The following SCFD1 variants were observed in gnomAD, a reference collection of about 807,000 sequenced individuals.
The protein encoded by SCFD1 is sec1 family domain containing 1.
A neutral mutation model predicts 103.2 loss-of-function variants in SCFD1; 37 were observed. The observed-to-expected ratio is 0.36, with a 90% CI of 0.28 to 0.47. The LOEUF is 0.47. Ranked by LOEUF, SCFD1 falls within the 20% of genes least tolerant of loss-of-function variation. SCFD1 has a pLI of 1.00. For synonymous variants in SCFD1, 264 were observed against 245.0 expected (o/e 1.08, Z -0.73); for missense variants, 639 against 761.2 (o/e 0.84, Z 1.89).
In SCFD1 at chr14:30,696,643, A is replaced by G. The variant is rs569020353; in HGVS notation, c.1339+1774A>G. 1.4e-3 allele frequency among the ~76,000 whole-genome samples: 210 copies of G among 152,344 alleles called. 1 individual carries two copies. Among genetic ancestry groups the G allele is most frequent in the Non-Finnish European group, 2.5e-3 (172 of 68,016 alleles). On this transcript the variant is annotated intron_variant, in intron 15 of 24. Coordinates refer to ENST00000458591, the MANE Select transcript of SCFD1 (RefSeq NM_016106.4). ...ATGTCAAAGTTCAGGAAAGGAAAGC[A>G]GAGTGTCCACATGTGGGAGTAGTCT...
chr14:30,645,626 T>A (rs991092904), intron 7 of SCFD1, among the ~76,000 whole-genome samples: 2 of 152,226 alleles, frequency 1.3e-5, no homozygotes, highest in African/African-American at 4.8e-5. Context: ...GGCTCTCAGC[T>A]TGGATATTAT....
intron 7 of SCFD1, among the ~76,000 whole-genome samples, chr14:30,643,715 C>G (rs979632226): frequency 6.6e-6 from 1 of 152,050 alleles, no homozygotes; most frequent in African/African-American, 2.4e-5. Context: ...TTTAATATTT[C>G]ATTATGAAAA....
chr14:30,683,154 A>G (rs1889627880), intron 14 of SCFD1: 4 of 1,117,474 alleles, frequency 3.6e-6, no homozygotes, highest in Non-Finnish European at 5.4e-6. Context: ...GGGGCTATCA[A>G]TGTTGGGTTC....
rs1892730887 is a variant in SCFD1, at chr14:30,722,648, A to G, written c.1836+89A>G. 1.3e-5 allele frequency: 9 copies of G among 676,730 alleles called. 1 individual carries two copies. The highest frequency in any genetic ancestry group is 4.3e-4 in the Middle Eastern group (1 of 2,336). The allele number at this position is 676,730 out of a possible 1,614,324, so 41.9% of individuals were successfully genotyped here. A position where few individuals can be genotyped will look rare whatever the true frequency, so the allele number is the denominator to read the frequency against. ...CTCTGATGGCTATCCTGATCCTTCT[A>G]TAACTTCTTTTCTAAAAGGTAGTTT... On this transcript the variant is annotated intron_variant, in intron 23 of 24. Transcript: ENST00000458591.
At position 30,694,880 on chromosome 14, in the gene SCFD1, A is replaced by G; in HGVS notation, c.1339+11A>G. On this transcript the variant is annotated intron_variant, in intron 15 of 24. Coordinates refer to ENST00000458591, the MANE Select transcript of SCFD1 (RefSeq NM_016106.4). ...TATCAGACCCTGATGGTATGTACCA[A>G]AAATTTGAGGTTAATGTAAGTTTCA... 6.3e-7 allele frequency: 1 copy of G among 1,577,714 alleles called. No homozygotes were observed.
intron 11 of SCFD1, 131 bp downstream of exon 11, chr14:30,670,526 G>C: frequency 1.8e-6 from 1 of 553,388 alleles, no homozygotes. Flanking sequence ...GCTGTAATTA[G>C]ATAGTCTGTA....
chr14:30,694,691 A>G, intron 14 of SCFD1, 82 bp from the exon 15 acceptor site: 1 of 1,452,402 alleles, frequency 6.9e-7, no homozygotes, highest in East Asian at 2.7e-5. Context: ...TGATCATAGA[A>G]AATAGAAACT....
intron 14 of SCFD1, among the ~76,000 whole-genome samples, chr14:30,684,527 A>T (rs573793743): frequency 6.6e-6 from 1 of 152,300 alleles, no homozygotes; most frequent in South Asian, 2.1e-4. Flanking sequence ...ATGTAAAATC[A>T]GTCTGATTGT....
intron 14 of SCFD1, chr14:30,683,056 G>T: frequency 1.5e-6 from 2 of 1,369,016 alleles, no homozygotes; most frequent in South Asian, 1.2e-5. Flanking sequence ...CAGGGCTCCT[G>T]ACTGGTGACC....
At chr14:30,653,789 A>C (rs946854787) in intron 10 of SCFD1, 7 of 424,016 alleles carry the variant, frequency 1.7e-5, no homozygotes, top group African/African-American at 1.4e-4. Context: ...TTTCAAATTT[A>C]TGATCTTTAT....
chr14:30,710,388 G>A lies in SCFD1; in HGVS notation c.1629+2323G>A, dbSNP rs114124058. Among the ~76,000 whole-genome samples, 763 of 150,344 alleles carry A rather than the reference G, an allele frequency of 5.1e-3. 8 individuals carry two copies. Among genetic ancestry groups the A allele is most frequent in the African/African-American group, 0.017 (710 of 40,880 alleles). ...ATTAGAGAAATAGGTATTGACAGGG[G>A]GTAGGAATGGTTCATTTTATATTAT... is the stretch of plus-strand genomic sequence containing the variant. On this transcript the variant is annotated intron_variant, in intron 19 of 24. Transcript: ENST00000458591.
At chr14:30,734,663 A>G in intron 23 of SCFD1, 127 bp from the exon 24 acceptor site, 2 of 724,048 alleles carry the variant, frequency 2.8e-6, no homozygotes, top group Non-Finnish European at 2.4e-6. Flanking sequence ...GTATACTAAA[A>G]TCCAACAGTA....
intron 10 of SCFD1, among the ~76,000 whole-genome samples, chr14:30,667,449 A>T (rs1267751242): frequency 6.6e-6 from 1 of 152,232 alleles, no homozygotes; most frequent in Admixed American, 6.5e-5. Flanking sequence ...AGCCAATATC[A>T]TACTGAATGG....
intron 2 of SCFD1, among the ~76,000 whole-genome samples, chr14:30,628,539 G>C (rs1566572276): frequency 6.6e-6 from 1 of 152,108 alleles, no homozygotes; most frequent in Non-Finnish European, 1.5e-5. Flanking sequence ...TCTTTTTCCT[G>C]GTTGATATTT....
chr14:30,701,605 GT>G (rs1891085643), intron 16 of SCFD1, among the ~76,000 whole-genome samples: 3 of 151,842 alleles, frequency 2.0e-5, no homozygotes, highest in Non-Finnish European at 4.4e-5. Flanking sequence ...ATATCTCAGG[GT>G]ATTCTAATAG....
At chr14:30,712,838 A>G (rs1891984855) in intron 19 of SCFD1, among the ~76,000 whole-genome samples, 3 of 152,176 alleles carry the variant, frequency 2.0e-5, no homozygotes, top group Admixed American at 6.5e-5. Flanking sequence ...CTAAACAACA[A>G]TTTCTAAGAA....
chr14:30,728,529 T>C (rs1893209638), intron 23 of SCFD1, among the ~76,000 whole-genome samples: 1 of 152,224 alleles, frequency 6.6e-6, no homozygotes, highest in Non-Finnish European at 1.5e-5. Context: ...CGTGGAACCA[T>C]AGATAATGGC....
Position 30,670,278 on chromosome 14 carries a change from A to T in SCFD1, c.878A>T (p.Asn293Ile), listed in dbSNP as rs751350034. Residue 293 changes from asparagine (N) to isoleucine (I), a missense_variant, in exon 11 of 25, where the codon AAT (asparagine) becomes ATT (isoleucine). Coordinates refer to ENST00000458591, the MANE Select transcript of SCFD1 (RefSeq NM_016106.4). ...TAGGATTTCCATTTAAACAGGGTTA[A>T]TTTGGAAGAATCTTCAGGAGTGGAA... ...DVLDFHLNRV[N>I]LEESSGVENS... 25 of 1,591,494 alleles carry T rather than the reference A, an allele frequency of 1.6e-5. No individual in the cohort carries two copies. The highest frequency in any genetic ancestry group is 2.0e-5 in the Non-Finnish European group (24 of 1,172,074).
chr14:30,712,889 T>G (rs1233042119), intron 19 of SCFD1, among the ~76,000 whole-genome samples: 1 of 152,218 alleles, frequency 6.6e-6, no homozygotes, highest in East Asian at 1.9e-4. Flanking sequence ...ATGGAGTTTT[T>G]CATTTGATAA....
Sources: gnomAD v4.1 joint callset for allele counts (sites outside exome capture counted in the v4.1 genomes callset) on GRCh38, gnomAD v4.1.1 for gene constraint, MANE v1.5 for transcripts, NCBI Gene and HGNC (gene_info 2026-07-23, HGNC 2026-07-21) for gene names.